DYNC2I1: variants seen among roughly 807,000 people sequenced by gnomAD.
DYNC2I1 encodes the protein cytoplasmic dynein 2 intermediate chain 1.
DYNC2I1 carries 89 observed loss-of-function variants against 133.4 expected under a neutral mutation model. That is an observed-to-expected ratio of 0.67 (90% confidence interval 0.56 to 0.80). DYNC2I1 has a LOEUF of 0.80. DYNC2I1 is among the 30% of genes least tolerant of loss of function. The probability of loss-of-function intolerance (pLI) is 0.00; values close to 1 mark genes in which losing one functional copy is unlikely to be tolerated. For synonymous variants in DYNC2I1, 504 were observed against 484.3 expected (o/e 1.04, Z -0.54); for missense variants, 1,291 against 1,314.5 (o/e 0.98, Z 0.28).
At chr7:158,882,638 C>T (rs865981397) in intron 5 of DYNC2I1, among the ~76,000 whole-genome samples, 2 of 151,916 alleles carry the variant, frequency 1.3e-5, no homozygotes, top group African/African-American at 2.4e-5. Flanking sequence ...TTTGGGAGGC[C>T]GAGACAGGTG....
intron 10 of DYNC2I1, chr7:158,904,973 A>G (rs1846616395): frequency 3.6e-6 from 1 of 280,804 alleles, no homozygotes; most frequent in Admixed American, 4.9e-5. Flanking sequence ...AAAAGGAATG[A>G]AAAGACGATA....
intron 4 of DYNC2I1, among the ~76,000 whole-genome samples, chr7:158,954,832 T>C (rs1852160041): frequency 6.6e-6 from 1 of 152,164 alleles, no homozygotes; most frequent in African/African-American, 2.4e-5. Flanking sequence ...GGAGAGTAAA[T>C]CTGTTTATGA....
chr7:158,894,227 C>T (rs1163917238), intron 8 of DYNC2I1, among the ~76,000 whole-genome samples: 2 of 151,764 alleles, frequency 1.3e-5, no homozygotes, highest in Non-Finnish European at 1.5e-5. Context: ...CATATCCTAC[C>T]ACATATCGTA....
chr7:158,949,372 TC>T (rs527676827), downstream of DYNC2I1, among the ~76,000 whole-genome samples: 26 of 152,380 alleles, frequency 1.7e-4, no homozygotes, highest in Non-Finnish European at 3.2e-4. Flanking sequence ...AGCTGATCTG[TC>T]CTGGAAAAGC....
intron 7 of DYNC2I1, among the ~76,000 whole-genome samples, chr7:158,890,643 G>A (rs1845116151): frequency 6.6e-6 from 1 of 151,814 alleles, no homozygotes; most frequent in African/African-American, 2.4e-5. Context: ...TGTCGCACAG[G>A]CTGGAGTGCA....
chr7:158,865,857 A>G (rs1300723123), intron 1 of DYNC2I1, among the ~76,000 whole-genome samples: 1 of 152,154 alleles, frequency 6.6e-6, no homozygotes, highest in Non-Finnish European at 1.5e-5. Flanking sequence ...CGGGGCAGGG[A>G]AGTCGTAAAT....
chr7:158,856,856 C>G, intron 1 of DYNC2I1, 106 bp downstream of exon 1: 3 of 1,187,152 alleles, frequency 2.5e-6, no homozygotes, highest in Non-Finnish European at 3.2e-6. Flanking sequence ...GCGGTTCTCT[C>G]GGCCGGGCCG....
At chr7:158,921,634 C>T (rs900525665) in intron 15 of DYNC2I1, among the ~76,000 whole-genome samples, 6 of 152,026 alleles carry the variant, frequency 3.9e-5, no homozygotes, top group Non-Finnish European at 5.9e-5. Context: ...TTGGAGGGGA[C>T]GTTGTGACCC....
chr7:158,904,114 T>C (rs1211414281), intron 10 of DYNC2I1: 1 of 152,314 alleles, frequency 6.6e-6, no homozygotes. Flanking sequence ...CACGGAGCCA[T>C]GCTGACTCCG....
intron 14 of DYNC2I1, among the ~76,000 whole-genome samples, chr7:158,914,885 CAA>C (rs1847864794): frequency 6.6e-6 from 1 of 152,154 alleles, no homozygotes; most frequent in African/African-American, 2.4e-5. Context: ...GTATGAATCT[CAA>C]AAAGCAGAGA....
intron 8 of DYNC2I1, among the ~76,000 whole-genome samples, chr7:158,894,031 A>G (rs1314164967): frequency 6.6e-6 from 1 of 152,120 alleles, no homozygotes; most frequent in African/African-American, 2.4e-5. Context: ...ATCCTACCAC[A>G]TATCATACCA....
At chr7:158,884,303 C>T (rs962091093) in intron 5 of DYNC2I1, among the ~76,000 whole-genome samples, 1 of 152,160 alleles carries the variant, frequency 6.6e-6, no homozygotes, top group African/African-American at 2.4e-5. Flanking sequence ...CCTTGGCCTC[C>T]CAAAGTGCTG....
chr7:158,841,777 TG>T, the DYNC2I1 span, among the ~76,000 whole-genome samples: 8 of 152,202 alleles, frequency 5.3e-5, no homozygotes, highest in Non-Finnish European at 1.0e-4. Context: ...GTGGCGCCTT[TG>T]GGAAACTCTA....
chr7:158,869,495 G>A (rs1366999414), intron 1 of DYNC2I1: 1 of 475,168 alleles, frequency 2.1e-6, no homozygotes, highest in Non-Finnish European at 4.3e-6. Flanking sequence ...TGGGACGTGA[G>A]TCTGTTGTGG....
At chr7:158,934,696 T>G (rs2129487936) in intron 23 of DYNC2I1, 147 bp downstream of exon 23, 1 of 783,748 alleles carries the variant, frequency 1.3e-6, no homozygotes, top group African/African-American at 1.7e-5. Flanking sequence ...CCCTCCCACC[T>G]CAGCCTCCCG....
chr7:158,907,551 CCCTTTCCCTTTT>C (rs1846964614), intron 11 of DYNC2I1, among the ~76,000 whole-genome samples: 2 of 151,870 alleles, frequency 1.3e-5, no homozygotes, highest in African/African-American at 4.8e-5. Context: ...CTTTCCATTT[CCCTTTCCCTTTT>C]CCTTTCCCTT....
At chr7:158,851,267 T>A in the DYNC2I1 span, among the ~76,000 whole-genome samples, 3 of 152,182 alleles carry the variant, frequency 2.0e-5, no homozygotes, top group African/African-American at 7.2e-5. Context: ...GCGCAGTGGT[T>A]CATGCCTGTA....
intron 21 of DYNC2I1, among the ~76,000 whole-genome samples, chr7:158,932,067 C>G (rs1300197081): frequency 1.3e-5 from 2 of 152,142 alleles, no homozygotes; most frequent in Non-Finnish European, 2.9e-5. Context: ...GAATGGCCTC[C>G]CAGAATCACG....
chr7:158,856,814 T>C, intron 1 of DYNC2I1, 64 bp downstream of exon 1: 4 of 1,227,660 alleles, frequency 3.3e-6, no homozygotes, highest in South Asian at 4.1e-5. Context: ...CGGGCGCCGC[T>C]AGCAGCGCCG....
Sources: gnomAD v4.1 joint callset for allele counts (sites outside exome capture counted in the v4.1 genomes callset) on GRCh38, gnomAD v4.1.1 for gene constraint, MANE v1.5 for transcripts, NCBI Gene and HGNC (gene_info 2026-07-23, HGNC 2026-07-21) for gene names.